The following CSF1R variants were observed in gnomAD, a reference collection of about 807,000 sequenced individuals.
The protein encoded by CSF1R is macrophage colony-stimulating factor 1 receptor.
In CSF1R, 40 loss-of-function variants were observed where a neutral mutation model predicts 110.0. The ratio of observed to expected loss-of-function variants is 0.36; its 90% CI spans 0.28 to 0.47. The LOEUF (loss-of-function observed/expected upper bound fraction) is 0.47. Among genes scored for constraint, CSF1R ranks in the 20% least tolerant of loss-of-function variants. The probability of loss-of-function intolerance (pLI) is 0.99; values close to 1 mark genes in which losing one functional copy is unlikely to be tolerated. For synonymous variants in CSF1R, 523 were observed against 503.4 expected, an observed-to-expected ratio of 1.04 and a Z score of -0.52; for missense variants, 1,052 against 1,253.0, an observed-to-expected ratio of 0.84 and a Z score of 2.42.
chr5:150,073,281 C>T lies in CSF1R; in HGVS notation c.1082+20G>A, dbSNP rs200556769. Reference sequence around the variant, plus strand: ...CCATCTGGTTGTCGGGCTGTGTAGACGGGAGCTGATAAGTGGTACCTGTAT... The same window carrying T: ...CCATCTGGTTGTCGGGCTGTGTAGATGGGAGCTGATAAGTGGTACCTGTAT... On this transcript the variant is annotated intron_variant, in intron 6 of 20. Coordinates refer to ENST00000675795, the MANE Select transcript of CSF1R (RefSeq NM_001288705.3). The T allele has an allele frequency of 3.8e-4, 615 of 1,603,994 alleles. No individual in the cohort carries two copies. In the African/African-American group the frequency reaches 3.9e-3, roughly 10 times the overall value.
At chr5:150,083,832 T>C (rs1758677557) in intron 1 of CSF1R, among the ~76,000 whole-genome samples, 4 of 152,196 alleles carry the variant, frequency 2.6e-5, no homozygotes, top group African/African-American at 9.7e-5. Flanking sequence ...GCCAATTTAC[T>C]GAACCGAGAT....
intron 1 of CSF1R, among the ~76,000 whole-genome samples, chr5:150,112,556 C>T (rs1009424): frequency 0.87 from 132,241 of 152,276 alleles, 58,054 homozygotes; most frequent in Non-Finnish European, 0.94. Flanking sequence ...GGCTTTTGCA[C>T]CAGCAAAGAT....
chr5:150,072,046 C>T (rs991304538), intron 6 of CSF1R, among the ~76,000 whole-genome samples: 2 of 152,214 alleles, frequency 1.3e-5, no homozygotes, highest in African/African-American at 4.8e-5. Flanking sequence ...GCTGGAAATA[C>T]TGCCTGGGAC....
At chr5:150,081,072 C>A in intron 1 of CSF1R, 48 bp from the exon 2 acceptor site, 1 of 1,601,350 alleles carries the variant, frequency 6.2e-7, no homozygotes, top group Non-Finnish European at 8.5e-7. Flanking sequence ...TAGGATGCGC[C>A]CCTTGGGCCG....
intron 1 of CSF1R, among the ~76,000 whole-genome samples, chr5:150,085,007 C>T (rs1165939997): frequency 2.6e-5 from 4 of 151,976 alleles, no homozygotes; most frequent in African/African-American, 9.7e-5. Flanking sequence ...GGCCGGGCGC[C>T]GTGACTCACA....
intron 10 of CSF1R, among the ~76,000 whole-genome samples, chr5:150,064,356 A>G (rs763120013): frequency 3.9e-5 from 6 of 152,264 alleles, no homozygotes; most frequent in Non-Finnish European, 5.9e-5. Flanking sequence ...ACCATCAGGA[A>G]GAACTTCTAG....
chr5:150,086,306 G>T, intron 1 of CSF1R, 73 bp downstream of exon 1: 1 of 1,461,070 alleles, frequency 6.8e-7, no homozygotes, highest in Non-Finnish European at 9.4e-7. Context: ...TGAGGGGCAA[G>T]GACTGAATCC....
intron 5 of CSF1R, among the ~76,000 whole-genome samples, chr5:150,075,190 TTTCTC>T (rs1758211282): frequency 6.6e-6 from 1 of 152,124 alleles, no homozygotes; most frequent in African/African-American, 2.4e-5. Flanking sequence ...GGGCAAGGCT[TTTCTC>T]TTCTCTGTCT....
chr5:150,096,383 T>C (rs1021057319), intron 1 of CSF1R, among the ~76,000 whole-genome samples: 1 of 151,926 alleles, frequency 6.6e-6, no homozygotes, highest in African/African-American at 2.4e-5. Context: ...AGACTGAAAC[T>C]CCATCTCAAA....
intron 1 of CSF1R, among the ~76,000 whole-genome samples, chr5:150,106,306 G>A (rs1384335907): frequency 2.0e-5 from 3 of 152,200 alleles, no homozygotes; most frequent in Non-Finnish European, 4.4e-5. Context: ...AGAAATGTGT[G>A]GGCCATGTCA....
At chr5:150,086,312 A>G (rs1758843205) in intron 1 of CSF1R, 67 bp downstream of exon 1, 2 of 1,498,122 alleles carry the variant, frequency 1.3e-6, no homozygotes, top group East Asian at 4.9e-5. Flanking sequence ...GCAAGGACTG[A>G]ATCCTTTCAC....
chr5:150,066,767 C>T (rs939703880), intron 10 of CSF1R, among the ~76,000 whole-genome samples: 1 of 152,202 alleles, frequency 6.6e-6, no homozygotes, highest in African/African-American at 2.4e-5. Flanking sequence ...CAAGGGGACA[C>T]AAGATGGGTC....
At chr5:150,056,004 T>G in intron 18 of CSF1R, 22 bp downstream of exon 18, 9 of 1,608,614 alleles carry the variant, frequency 5.6e-6, no homozygotes, top group Non-Finnish European at 7.7e-6. Context: ...AGGCTCTGCC[T>G]GGAGTGGGCC....
chr5:150,055,071 C>T (rs1038424161), intron 19 of CSF1R, among the ~76,000 whole-genome samples, 166 bp downstream of exon 19: 1 of 151,908 alleles, frequency 6.6e-6, no homozygotes, highest in Non-Finnish European at 1.5e-5. Flanking sequence ...TGAGAACATC[C>T]CCCATAGCTT....
At chr5:150,109,669 T>C (rs908347893) in intron 1 of CSF1R, among the ~76,000 whole-genome samples, 30 of 152,330 alleles carry the variant, frequency 2.0e-4, no homozygotes, top group Admixed American at 1.4e-3. Flanking sequence ...GTATGTTTGA[T>C]TTTCTCAGCC....
chr5:150,078,237 G>T lies in CSF1R; in HGVS notation c.604C>A (p.Pro202Thr). The T allele has an allele frequency of 6.2e-7, 1 of 1,614,058 alleles. No individual in the cohort carries two copies. Among genetic ancestry groups the T allele is most frequent in the Non-Finnish European group, 8.5e-7 (1 of 1,179,968 alleles). ...RLKVQKVIPG[P>T]PALTLVPAEL... ...GCAGGCACCAGTGTCAAGGCTGGGG[G>T]CCCTGGGATGACTGAGACCGGGGGA... Residue 202 changes from proline (P) to threonine (T), a missense_variant, in exon 4 of 21, where the codon CCC becomes ACC. Pro to Thr is a conservative substitution (Grantham distance 38). Around this residue, in one of 5 missense-constraint regions of CSF1R, gnomAD observed 693 missense variants for 735.4 expected, o/e 0.94. Coordinates refer to ENST00000675795, the MANE Select transcript of CSF1R (RefSeq NM_001288705.3).
In CSF1R at chr5:150,056,153, CCA is replaced by C. The variant is rs776564056; in HGVS notation, c.2443-18_2443-17del. The C allele has an allele frequency of 3.7e-6, 6 of 1,614,200 alleles. No individual in the cohort carries two copies. In the East Asian group the frequency reaches 6.7e-5, roughly 18 times the overall value. ...GCAGGCGGGCCTGGGATGACAGTCC[CCA>C]GTTATTTTGGGCCCCGACTCTTCAC... On this transcript the variant is annotated splice_polypyrimidine_tract_variant and intron_variant, in intron 17 of 20. Transcript: ENST00000675795.
chr5:150,056,191 G>C (rs767179933), intron 17 of CSF1R, 28 bp downstream of exon 17: 1 of 1,614,170 alleles, frequency 6.2e-7, no homozygotes, highest in South Asian at 1.1e-5. Flanking sequence ...CCCCTCCCCA[G>C]CCTGGCCCAA....
At position 150,109,038 on chromosome 5, in the gene CSF1R, C is replaced by G. The variant is rs935288469; in HGVS notation, c.-181+4223G>C. Among the ~76,000 whole-genome samples, 6 of 143,348 alleles carry G rather than the reference C, an allele frequency of 4.2e-5. No homozygotes were observed. The Admixed American group carries it at 4.4e-4, about 10-fold the overall frequency. 94.0% of individuals were successfully genotyped at this position (143,348 alleles called of 152,430 possible). On this transcript the variant is annotated intron_variant, in intron 1 of 21. Coordinates refer to the CSF1R transcript ENST00000286301. ...TCATGGCCCAGAGCGGCCCCAGAAC[C>G]CCATCCCAAGGAGAAGCCCGCCCCC... is the stretch of plus-strand genomic sequence containing the variant.
Sources: gnomAD v4.1 joint callset for allele counts (sites outside exome capture counted in the v4.1 genomes callset) on GRCh38, gnomAD v4.1.1 for gene constraint, gnomAD v4.1.1 regional missense constraint, MANE v1.5 for transcripts, NCBI Gene and HGNC (gene_info 2026-07-23, HGNC 2026-07-21) for gene names.